CPXM2: variants seen among roughly 807,000 people sequenced by gnomAD.
CPXM2 encodes the protein inactive carboxypeptidase-like protein X2.
Under a neutral mutation model 86.1 loss-of-function variants are expected in CPXM2, and 66 were observed. The ratio of observed to expected loss-of-function variants is 0.77; its 90% CI spans 0.63 to 0.94. The LOEUF is 0.94. CPXM2 is among the 40% of genes least tolerant of loss of function. The probability of loss-of-function intolerance (pLI) is 0.00; values close to 1 mark genes in which losing one functional copy is unlikely to be tolerated. For missense variants in CPXM2, 948 were observed against 1,026.3 expected, an observed-to-expected ratio of 0.92 and a Z score of 1.04; for synonymous variants, 388 against 400.2, an observed-to-expected ratio of 0.97 and a Z score of 0.36.
chr10:123,871,909 G>T (rs1217934483), intron 2 of CPXM2, among the ~76,000 whole-genome samples: 1 of 151,992 alleles, frequency 6.6e-6, no homozygotes, highest in African/African-American at 2.4e-5. Flanking sequence ...ACAAGCAAAA[G>T]AACTGAGCAC....
chr10:123,921,931 G>C (rs1170113792), intron 2 of CPXM2, among the ~76,000 whole-genome samples: 1 of 151,898 alleles, frequency 6.6e-6, no homozygotes, highest in Non-Finnish European at 1.5e-5. Context: ...TGTGATGCCT[G>C]ATGCCTTTCT....
intron 9 of CPXM2, 85 bp downstream of exon 9, chr10:123,768,441 T>C (rs1846543208): frequency 1.4e-5 from 12 of 834,216 alleles, no homozygotes; most frequent in Non-Finnish European, 1.9e-5. Context: ...AGGTGGAATT[T>C]TGCATAGCCC....
At chr10:123,912,428 T>G (rs953789019) in intron 2 of CPXM2, among the ~76,000 whole-genome samples, 1 of 152,058 alleles carries the variant, frequency 6.6e-6, no homozygotes, top group African/African-American at 2.4e-5. Context: ...CCAGGTCACA[T>G]GAGAGAGGCA....
At chr10:123,826,709 A>C (rs1411486083) in intron 4 of CPXM2, among the ~76,000 whole-genome samples, 1 of 152,172 alleles carries the variant, frequency 6.6e-6, no homozygotes, top group Non-Finnish European at 1.5e-5. Context: ...AGAAACACAC[A>C]AAGCGATTCA....
intron 13 of CPXM2, among the ~76,000 whole-genome samples, chr10:123,747,568 G>GCCAT (rs2133961303): frequency 6.6e-6 from 1 of 152,270 alleles, no homozygotes; most frequent in African/African-American, 2.4e-5. Context: ...GAGTTGCAGG[G>GCCAT]CCATCTATAC....
intron 3 of CPXM2, among the ~76,000 whole-genome samples, chr10:123,854,635 G>A (rs546759766): frequency 4.3e-4 from 64 of 150,530 alleles, no homozygotes; most frequent in African/African-American, 1.2e-3. Context: ...GTGATGGCTC[G>A]GCTTGTTCAA....
At chr10:123,879,179 G>T (rs1024919542) in intron 2 of CPXM2, among the ~76,000 whole-genome samples, 9 of 152,154 alleles carry the variant, frequency 5.9e-5, no homozygotes, top group Non-Finnish European at 1.3e-4. Context: ...TTTCTTTGAT[G>T]GCGAGTTCTT....
intron 4 of CPXM2, among the ~76,000 whole-genome samples, chr10:123,824,241 T>A (rs999940381): frequency 2.0e-5 from 3 of 152,260 alleles, no homozygotes; most frequent in Non-Finnish European, 4.4e-5. Context: ...GTGTTCTAAA[T>A]GTATTGCCAA....
chr10:123,928,431 T>C (rs1001891768), intron 2 of CPXM2, among the ~76,000 whole-genome samples: 1 of 152,236 alleles, frequency 6.6e-6, no homozygotes, highest in African/African-American at 2.4e-5. Context: ...CACCAACACA[T>C]GTGGCCACAG....
At chr10:123,806,284 AT>A (rs1847576927) in intron 4 of CPXM2, among the ~76,000 whole-genome samples, 1 of 152,160 alleles carries the variant, frequency 6.6e-6, no homozygotes, top group South Asian at 2.1e-4. Context: ...GCACTTAAAA[AT>A]TTTGATTTTA....
intron 13 of CPXM2, chr10:123,752,029 C>G: frequency 1.0e-6 from 1 of 985,372 alleles, no homozygotes; most frequent in Middle Eastern, 5.2e-4. Context: ...CCCACATTTT[C>G]TCACATTGCA....
intron 2 of CPXM2, among the ~76,000 whole-genome samples, chr10:123,925,456 T>C (rs935515379): frequency 3.9e-5 from 6 of 152,230 alleles, no homozygotes; most frequent in Admixed American, 6.5e-5. Flanking sequence ...TGCTAATTAG[T>C]GTACCGGGAG....
At chr10:123,820,718 G>A (rs965316218) in intron 4 of CPXM2, among the ~76,000 whole-genome samples, 3 of 152,120 alleles carry the variant, frequency 2.0e-5, no homozygotes, top group African/African-American at 7.2e-5. Flanking sequence ...GCTTCCAGAG[G>A]CCACCCACAT....
chr10:123,882,657 C>T (rs1032170718), intron 1 of CPXM2, among the ~76,000 whole-genome samples: 6 of 152,218 alleles, frequency 3.9e-5, no homozygotes, highest in Non-Finnish European at 7.3e-5. Flanking sequence ...TCAGCCAGGG[C>T]CGCCTCCCTG....
At chr10:123,794,698 T>C (rs941724745) in intron 6 of CPXM2, among the ~76,000 whole-genome samples, 2 of 152,068 alleles carry the variant, frequency 1.3e-5, no homozygotes, top group Admixed American at 6.6e-5. Context: ...TTTTTATTAA[T>C]AGCAATCAAA....
chr10:123,881,608 C>T (rs1318119958), intron 1 of CPXM2, among the ~76,000 whole-genome samples: 1 of 152,238 alleles, frequency 6.6e-6, no homozygotes, highest in Non-Finnish European at 1.5e-5. Flanking sequence ...GTCATTTCTA[C>T]TGCAGTTGGC....
At position 123,754,669 on chromosome 10, in the gene CPXM2, G is replaced by C. The variant is rs147055269; in HGVS notation, c.2011C>G (p.Arg671Gly). Reference protein sequence around the residue: ...ISVEGINHDIRTANDGDYWRL... With the variant: ...ISVEGINHDIGTANDGDYWRL... ...TGCACACATTTGCAGTTACCTGTTC[G>C]GATGTCATGGTTAATGCCTTCTACG... Residue 671 changes from arginine to glycine, a missense_variant, in exon 13 of 14, where the codon CGA (arginine) becomes GGA (glycine). Transcript: ENST00000241305. The surrounding 1 kb of genome is among the most constrained non-coding windows in gnomAD (Gnocchi z 4.0). The C allele has an allele frequency of 1.3e-6, 2 of 1,560,800 alleles. No homozygotes were observed. The highest frequency in any genetic ancestry group is 2.2e-5 in the South Asian group (2 of 89,982).
chr10:123,929,565 C>T (rs1257613921), intron 2 of CPXM2, among the ~76,000 whole-genome samples: 1 of 152,326 alleles, frequency 6.6e-6, no homozygotes, highest in African/African-American at 2.4e-5. Flanking sequence ...TCCCTGCCCT[C>T]GCTGTTTCAC....
At chr10:123,918,703 G>A (rs1207216857) in intron 2 of CPXM2, among the ~76,000 whole-genome samples, 1 of 152,108 alleles carries the variant, frequency 6.6e-6, no homozygotes, top group Non-Finnish European at 1.5e-5. Context: ...CCTGTCCCAA[G>A]GCAATCCCCA....
Sources: gnomAD v4.1 joint callset for allele counts (sites outside exome capture counted in the v4.1 genomes callset) on GRCh38, gnomAD v4.1.1 for gene constraint, Gnocchi (gnomAD v3.1) non-coding constraint, MANE v1.5 for transcripts, NCBI Gene and HGNC (gene_info 2026-07-23, HGNC 2026-07-21) for gene names.